ANO6: variants seen among roughly 807,000 people sequenced by gnomAD.
ANO6 encodes anoctamin-6.
In ANO6, 106 loss-of-function variants were observed where a neutral mutation model predicts 117.5. The observed-to-expected ratio is 0.90, with a 90% CI of 0.77 to 1.06. ANO6 has a LOEUF of 1.06. Among genes scored for constraint, ANO6 ranks in the 50% least tolerant of loss-of-function variants. ANO6 has a pLI of 0.00. For missense variants in ANO6, 955 were observed against 1,121.1 expected (o/e 0.85, Z 2.12); for synonymous variants, 367 against 385.1 (o/e 0.95, Z 0.55).
chr12:45,289,782 G>A (rs142000808), intron 1 of ANO6, among the ~76,000 whole-genome samples: 399 of 152,306 alleles, frequency 2.6e-3, no homozygotes, highest in Middle Eastern at 6.8e-3. Flanking sequence ...CAGTCAATTA[G>A]TTTTTCATTT....
intron 2 of ANO6, among the ~76,000 whole-genome samples, chr12:45,328,019 C>T (rs942951101): frequency 6.6e-6 from 1 of 152,036 alleles, no homozygotes; most frequent in Admixed American, 6.6e-5. Flanking sequence ...CCTGAGTACA[C>T]CTTGATCATC....
At chr12:45,361,054 C>T (rs970047038) in intron 8 of ANO6, among the ~76,000 whole-genome samples, 6 of 152,006 alleles carry the variant, frequency 3.9e-5, no homozygotes, top group East Asian at 1.9e-4. Context: ...TTTGCATTTC[C>T]GTATGAATTT....
intron 2 of ANO6, among the ~76,000 whole-genome samples, chr12:45,329,766 A>G (rs115102079): frequency 6.6e-6 from 1 of 151,828 alleles, no homozygotes; most frequent in African/African-American, 2.4e-5. Flanking sequence ...ATATATATAT[A>G]TTTTTCTCCA....
chr12:45,407,291 G>A (rs1230865101), intron 15 of ANO6, among the ~76,000 whole-genome samples: 1 of 152,184 alleles, frequency 6.6e-6, no homozygotes, highest in East Asian at 1.9e-4. Context: ...TCTGAGCTTT[G>A]ATGTGATTTA....
chr12:45,262,249 T>C (rs903610226), intron 1 of ANO6, among the ~76,000 whole-genome samples: 42 of 152,250 alleles, frequency 2.8e-4, no homozygotes, highest in African/African-American at 9.6e-4. Context: ...AGACCTATGG[T>C]ATCCTGCCTT....
At position 45,416,822 on chromosome 12, in the gene ANO6, G is replaced by A. The variant is rs759886231; in HGVS notation, c.2135G>A (p.Arg712His). ...TGGAAACTGACCACCCAGTTTAGAC[G>A]CCTGGTACCAGAGAAAGCCCAAGAC... ...DAWKLTTQFR[R>H]LVPEKAQDIG... The change falls in exon 17 of 20, where the codon CGC becomes CAC. Residue 712 changes from arginine (R) to histidine (H), a missense_variant. Transcript: ENST00000320560. The A allele has an allele frequency of 6.2e-6, 10 of 1,614,116 alleles. No homozygotes were observed. The South Asian group carries it at 7.7e-5, about 12-fold the overall frequency.
intron 1 of ANO6, among the ~76,000 whole-genome samples, chr12:45,286,149 A>C (rs953743454): frequency 6.6e-6 from 1 of 152,184 alleles, no homozygotes; most frequent in African/African-American, 2.4e-5. Context: ...CAACAGCACG[A>C]TGGGCAGTGG....
intron 1 of ANO6, among the ~76,000 whole-genome samples, chr12:45,219,183 C>T (rs1397309741): frequency 2.0e-5 from 3 of 151,950 alleles, no homozygotes; most frequent in Non-Finnish European, 4.4e-5. Flanking sequence ...CCTCCCCCTC[C>T]CCCCAAAAAA....
intron 3 of ANO6, among the ~76,000 whole-genome samples, chr12:45,333,286 A>G (rs1368868235): frequency 6.6e-6 from 1 of 152,040 alleles, no homozygotes; most frequent in Non-Finnish European, 1.5e-5. Flanking sequence ...TTATTATACA[A>G]TTTTATCACT....
chr12:45,319,405 T>C (rs937861852), intron 2 of ANO6, among the ~76,000 whole-genome samples: 1 of 152,234 alleles, frequency 6.6e-6, no homozygotes, highest in African/African-American at 2.4e-5. Context: ...TCTGTTTATA[T>C]GCTGGATTAC....
intron 2 of ANO6, among the ~76,000 whole-genome samples, chr12:45,323,540 C>T (rs1940352263): frequency 1.3e-5 from 2 of 152,288 alleles, no homozygotes; most frequent in South Asian, 4.1e-4. Flanking sequence ...ATTGTGAAAG[C>T]TCACATTTAT....
At chr12:45,328,470 C>T (rs1940549287) in intron 2 of ANO6, among the ~76,000 whole-genome samples, 2 of 152,052 alleles carry the variant, frequency 1.3e-5, no homozygotes, top group South Asian at 2.1e-4. Flanking sequence ...AATATTTTTG[C>T]ACCGTTTTGT....
intron 1 of ANO6, among the ~76,000 whole-genome samples, chr12:45,256,878 C>G (rs1361728971): frequency 6.6e-6 from 1 of 152,132 alleles, no homozygotes; most frequent in Non-Finnish European, 1.5e-5. Flanking sequence ...ATTTGAATGG[C>G]AGGCACATGA....
intron 17 of ANO6, among the ~76,000 whole-genome samples, chr12:45,417,804 A>T (rs558560584): frequency 1.3e-5 from 2 of 152,272 alleles, no homozygotes; most frequent in African/African-American, 4.8e-5. Context: ...CAGCCAAAAC[A>T]ACAGAAGTTG....
chr12:45,245,491 G>T (rs1174225742), intron 1 of ANO6, among the ~76,000 whole-genome samples: 2 of 150,506 alleles, frequency 1.3e-5, no homozygotes, highest in African/African-American at 4.9e-5. Flanking sequence ...AGTGTCCATG[G>T]CTCTTTATAG....
intron 8 of ANO6, among the ~76,000 whole-genome samples, chr12:45,359,135 C>T (rs1372155247): frequency 6.6e-6 from 1 of 152,192 alleles, no homozygotes; most frequent in African/African-American, 2.4e-5. Context: ...ATTTATATAC[C>T]ATAAAATGAC....
chr12:45,403,566 AAAGGAC>A (rs1226190874), intron 15 of ANO6, 30 bp downstream of exon 15: 2 of 1,568,938 alleles, frequency 1.3e-6, no homozygotes, highest in Non-Finnish European at 1.8e-6. Flanking sequence ...GCCATGGGTA[AAAGGAC>A]AAGGGATAGA....
intron 12 of ANO6, among the ~76,000 whole-genome samples, chr12:45,398,186 T>A (rs957853111): frequency 1.3e-5 from 2 of 151,834 alleles, no homozygotes; most frequent in African/African-American, 4.8e-5. Context: ...ATACGTGGAG[T>A]CCAGATCATC....
intron 3 of ANO6, among the ~76,000 whole-genome samples, chr12:45,344,578 A>T (rs1463635086): frequency 1.3e-5 from 2 of 152,122 alleles, no homozygotes; most frequent in Non-Finnish European, 1.5e-5. Context: ...CAAGGGGGGA[A>T]ATCCGCCCCC....
Sources: allele counts gnomAD v4.1 joint callset (sites outside exome capture counted in the v4.1 genomes callset), GRCh38; gene constraint gnomAD v4.1.1; transcripts MANE v1.5; gene names NCBI Gene and HGNC (gene_info 2026-07-23, HGNC 2026-07-21).